The following RAB28 variants were observed in gnomAD, a reference collection of about 807,000 sequenced individuals.
RAB28 encodes ras-related protein Rab-28.
RAB28 carries 24 observed loss-of-function variants against 31.7 expected under a neutral mutation model. That is an observed-to-expected ratio of 0.76 (90% CI 0.55 to 1.06). The LOEUF (loss-of-function observed/expected upper bound fraction) is 1.06. Among genes scored for constraint, RAB28 ranks in the 50% least tolerant of loss-of-function variants. The probability of loss-of-function intolerance (pLI) is 0.00; values close to 1 mark genes in which losing one functional copy is unlikely to be tolerated. For synonymous variants in RAB28, 100 were observed against 90.4 expected (o/e 1.11, Z -0.60); for missense variants, 254 against 258.5 (o/e 0.98, Z 0.12).
At chr4:13,422,424 T>C (rs192316025) in intron 4 of RAB28, among the ~76,000 whole-genome samples, 3 of 152,320 alleles carry the variant, frequency 2.0e-5, no homozygotes, top group South Asian at 2.1e-4. Flanking sequence ...TTATAAATCA[T>C]GCTACTATAA....
chr4:13,374,401 T>C (rs554728007), intron 6 of RAB28, among the ~76,000 whole-genome samples: 139 of 152,272 alleles, frequency 9.1e-4, no homozygotes, highest in African/African-American at 3.2e-3. Context: ...ATGAGGGACC[T>C]AATGTTAATA....
chr4:13,410,088 C>T (rs1286984215), intron 4 of RAB28, among the ~76,000 whole-genome samples: 1 of 152,130 alleles, frequency 6.6e-6, no homozygotes, highest in Admixed American at 6.5e-5. Context: ...TGCTTGCTTC[C>T]CCTTTGCTTT....
At chr4:13,380,366 T>C (rs73229640) in intron 5 of RAB28, among the ~76,000 whole-genome samples, 2,107 of 152,000 alleles carry the variant, frequency 0.014, 27 homozygotes, top group Middle Eastern at 0.044. Flanking sequence ...ACTGGAAAAA[T>C]AGTCAAATAG....
intron 4 of RAB28, among the ~76,000 whole-genome samples, chr4:13,458,411 G>GA (rs987711286): frequency 8.7e-5 from 13 of 148,976 alleles, no homozygotes; most frequent in Admixed American, 2.7e-4. Context: ...CAATTACAGA[G>GA]AAAAAAAAAT....
chr4:13,469,544 G>A (rs977842636), intron 3 of RAB28, among the ~76,000 whole-genome samples: 6 of 151,786 alleles, frequency 4.0e-5, no homozygotes, highest in Non-Finnish European at 7.4e-5. Flanking sequence ...ACTACCATCC[G>A]TAGTATTTTG....
At chr4:13,428,436 C>A (rs923364487) in intron 4 of RAB28, among the ~76,000 whole-genome samples, 1 of 152,010 alleles carries the variant, frequency 6.6e-6, no homozygotes, top group African/African-American at 2.4e-5. Context: ...ATGTAAAGTA[C>A]AATAAAATAT....
chr4:13,368,877 T>C (rs376735731), intron 6 of RAB28, among the ~76,000 whole-genome samples: 6 of 152,090 alleles, frequency 3.9e-5, no homozygotes, highest in African/African-American at 1.4e-4. Flanking sequence ...CCTGGTTTTA[T>C]GACATTAACT....
intron 4 of RAB28, among the ~76,000 whole-genome samples, chr4:13,411,330 G>A (rs1229623989): frequency 6.6e-6 from 1 of 152,040 alleles, no homozygotes; most frequent in African/African-American, 2.4e-5. Context: ...GATGTACTCA[G>A]GCAAAACAAA....
rs538415055 is a variant in RAB28, at chr4:13,403,009, G to T, written c.392-21415C>A. Among the ~76,000 whole-genome samples, 168 of 152,204 alleles carry T rather than the reference G, an allele frequency of 1.1e-3. 2 individuals are homozygous for T. The highest frequency in any genetic ancestry group is 3.4e-3 in the Middle Eastern group (1 of 294). On this transcript the variant is annotated intron_variant, in intron 4 of 6. Coordinates refer to ENST00000330852, the MANE Select transcript of RAB28 (RefSeq NM_001017979.3). ...GGGGTTTTGTCATGTGGCCTTGGCTGATCTCGAACTCCTGAGCTCTGATTA... is the reference window on the plus strand; with the variant it reads ...GGGGTTTTGTCATGTGGCCTTGGCTTATCTCGAACTCCTGAGCTCTGATTA...
At chr4:13,370,928 T>C (rs1728689993) in intron 6 of RAB28, 1 of 970,062 alleles carries the variant, frequency 1.0e-6, no homozygotes, top group Non-Finnish European at 1.2e-6. Flanking sequence ...GTGACAAATA[T>C]GTATGACACA....
At chr4:13,480,204 G>A (rs944962388) in intron 1 of RAB28, among the ~76,000 whole-genome samples, 1 of 151,776 alleles carries the variant, frequency 6.6e-6, no homozygotes, top group South Asian at 2.1e-4. Flanking sequence ...ATATACATTT[G>A]TTTTTTAATA....
chr4:13,471,490 TATATTATC>T (rs1335702725), intron 3 of RAB28, among the ~76,000 whole-genome samples: 1 of 151,994 alleles, frequency 6.6e-6, no homozygotes, highest in Admixed American at 6.6e-5. Flanking sequence ...AAAAAGTTAT[TATATTATC>T]ATCCTTTTTT....
intron 6 of RAB28, among the ~76,000 whole-genome samples, chr4:13,369,648 G>A (rs1219864452): frequency 6.6e-6 from 1 of 152,068 alleles, no homozygotes; most frequent in Admixed American, 6.6e-5. Context: ...ATGTTTAAAA[G>A]TAACTGAAAT....
chr4:13,461,470 C>T (rs1175367186), intron 3 of RAB28, among the ~76,000 whole-genome samples: 2 of 152,116 alleles, frequency 1.3e-5, no homozygotes, highest in East Asian at 1.9e-4. Flanking sequence ...AAACTTGCCT[C>T]GAAGGGCCTA....
chr4:13,416,061 C>G (rs1712762944), intron 4 of RAB28, among the ~76,000 whole-genome samples: 1 of 152,116 alleles, frequency 6.6e-6, no homozygotes, highest in Non-Finnish European at 1.5e-5. Context: ...TGTAAACACA[C>G]CAATCAGCAC....
At chr4:13,391,934 T>A (rs980016313) in intron 4 of RAB28, among the ~76,000 whole-genome samples, 8 of 151,912 alleles carry the variant, frequency 5.3e-5, no homozygotes, top group Non-Finnish European at 1.0e-4. Context: ...AGGGATAGCA[T>A]TAGGAGAAAT....
At chr4:13,468,573 C>T (rs1266379282) in intron 3 of RAB28, among the ~76,000 whole-genome samples, 1 of 150,986 alleles carries the variant, frequency 6.6e-6, no homozygotes, top group Non-Finnish European at 1.5e-5. Context: ...ACAGCAAAAG[C>T]AGTGCTTAGG....
chr4:13,428,129 G>T (rs1713611118), intron 4 of RAB28, among the ~76,000 whole-genome samples: 1 of 152,218 alleles, frequency 6.6e-6, no homozygotes, highest in South Asian at 2.1e-4. Context: ...GGAATCTGTA[G>T]ATAACATAAC....
chr4:13,435,422 AG>A (rs1714045007), intron 4 of RAB28, among the ~76,000 whole-genome samples: 1 of 152,182 alleles, frequency 6.6e-6, no homozygotes, highest in South Asian at 2.1e-4. Context: ...AAAAATATAA[AG>A]GATAAATGAA....
Sources: allele counts gnomAD v4.1 joint callset (sites outside exome capture counted in the v4.1 genomes callset), GRCh38; gene constraint gnomAD v4.1.1; transcripts MANE v1.5; gene names NCBI Gene and HGNC (gene_info 2026-07-23, HGNC 2026-07-21).